The following CASK variants were observed in gnomAD, a reference collection of about 807,000 sequenced individuals.
CASK encodes the protein peripheral plasma membrane protein CASK.
In CASK, 4 loss-of-function variants were observed where a neutral mutation model predicts 82.9. The observed-to-expected ratio is 0.05, with a 90% confidence interval of 0.02 to 0.11. The LOEUF is 0.11. CASK is among the 10% of genes least tolerant of loss of function. The probability of loss-of-function intolerance (pLI) is 1.00; values close to 1 mark genes in which losing one functional copy is unlikely to be tolerated. For missense variants in CASK, 358 were observed against 720.9 expected (o/e 0.50, Z 5.76); for synonymous variants, 259 against 253.5 (o/e 1.02, Z -0.20).
At chrX:41,602,429 T>C (rs2065905955) in intron 12 of CASK, among the ~76,000 whole-genome samples, 1 of 111,835 alleles carries the variant, frequency 8.9e-6, no homozygotes, top group African/African-American at 3.2e-5. Context: ...AGATAATGTG[T>C]GTATATTAAT....
At chrX:41,832,797 T>C (rs893025640) in intron 2 of CASK, among the ~76,000 whole-genome samples, 2 of 112,390 alleles carry the variant, frequency 1.8e-5, no homozygotes, top group African/African-American at 6.5e-5. Context: ...AACAGCCCTA[T>C]AACTCATGCC....
intron 1 of CASK, among the ~76,000 whole-genome samples, chrX:41,888,691 G>GTA (rs200935896): frequency 2.9e-3 from 291 of 101,385 alleles, no homozygotes; most frequent in African/African-American, 9.8e-3. Flanking sequence ...GTGAATATAT[G>GTA]TATATATATA....
At chrX:41,562,169 T>C (rs2065238538) in intron 16 of CASK, 1 of 113,080 alleles carries the variant, frequency 8.8e-6, no homozygotes, top group Admixed American at 9.4e-5. Context: ...CTACCAGATA[T>C]GATACGAAGG....
intron 8 of CASK, among the ~76,000 whole-genome samples, chrX:41,659,557 G>A (rs183571180): frequency 1.8e-5 from 2 of 111,126 alleles, no homozygotes; most frequent in South Asian, 3.8e-4. Context: ...CTCTCCAAGC[G>A]TTAGTCTTTC....
chrX:41,882,247 T>C (rs2071966562), intron 1 of CASK, among the ~76,000 whole-genome samples: 1 of 111,748 alleles, frequency 8.9e-6, no homozygotes, highest in Admixed American at 9.5e-5. Context: ...AAAGGCCAGG[T>C]ACTATTTATT....
chrX:41,609,870 C>A, intron 12 of CASK, 34 bp downstream of exon 12: 3 of 1,203,706 alleles, frequency 2.5e-6, no homozygotes, highest in African/African-American at 1.7e-5. Flanking sequence ...ATTCAATTCA[C>A]CAAAAAAGAA....
rs2064558415 is a variant in CASK, at chrX:41,516,870, AAAG to A, written c.*3547_*3549del. On this transcript the variant is annotated 3_prime_UTR_variant, in exon 27 of 27. Transcript: ENST00000378163. ...GAAACTGGCCTGAAATGAAAAAAAA[AAAG>A]GACATGACATCAGTGGGGGACAAAA... 9.0e-6 allele frequency: 1 copy of A among 111,419 alleles called. No homozygotes were observed. Among genetic ancestry groups the A allele is most frequent in the African/African-American group, 3.3e-5 (1 of 30,644 alleles). The allele number at this position is 111,419 out of a possible 1,213,427, so 9.2% of individuals were successfully genotyped here. A position where few individuals can be genotyped will look rare whatever the true frequency, so the allele number is the denominator to read the frequency against.
At chrX:41,854,202 A>G (rs746703157) in intron 1 of CASK, among the ~76,000 whole-genome samples, 1 of 89,917 alleles carries the variant, frequency 1.1e-5, no homozygotes, top group African/African-American at 4.0e-5. Context: ...TCCAGGGAAC[A>G]TGCGCGCGCG....
rs912174384 is a variant in CASK at position 41,611,843 on chromosome X, C to T, written c.1034-1818G>A. On this transcript the variant is annotated intron_variant, in intron 11 of 26. Transcript: ENST00000378163. Reference sequence around the variant, plus strand: ...CCTGCCGAGTGCCTGCGATTGCAGGCGCGCGCCGCCACGCCTGACTGGTTT... The same window carrying T: ...CCTGCCGAGTGCCTGCGATTGCAGGTGCGCGCCGCCACGCCTGACTGGTTT... 2.1e-3 allele frequency among the ~76,000 whole-genome samples: 232 copies of T among 110,671 alleles called. 2 individuals carry two copies. The highest frequency in any genetic ancestry group is 7.0e-3 in the African/African-American group (214 of 30,496).
chrX:41,687,193 TAA>T (rs2067457224), intron 5 of CASK, among the ~76,000 whole-genome samples: 1 of 112,353 alleles, frequency 8.9e-6, no homozygotes. Context: ...TGCACGTAGT[TAA>T]ATGCCTATTT....
intron 22 of CASK, among the ~76,000 whole-genome samples, chrX:41,539,369 C>T (rs1045883123): frequency 2.7e-5 from 3 of 112,269 alleles, no homozygotes; most frequent in African/African-American, 9.7e-5. Context: ...AGGTTTGGAT[C>T]TTGCCATCAA....
intron 22 of CASK, among the ~76,000 whole-genome samples, chrX:41,540,054 C>T (rs2064927460): frequency 8.9e-6 from 1 of 112,055 alleles, no homozygotes; most frequent in Non-Finnish European, 1.9e-5. Flanking sequence ...CAAGGACCAT[C>T]TAAGAAGCTC....
chrX:41,559,504 C>T, intron 18 of CASK: 1 of 319,657 alleles, frequency 3.1e-6, no homozygotes, highest in Non-Finnish European at 5.5e-6. Context: ...CCGTTTTTTC[C>T]TTATTAAGCC....
At chrX:41,867,829 C>T (rs1150379) in intron 1 of CASK, among the ~76,000 whole-genome samples, 2 of 111,577 alleles carry the variant, frequency 1.8e-5, no homozygotes. Context: ...GCTCAGAATT[C>T]ATTCAAGCTT....
intron 8 of CASK, among the ~76,000 whole-genome samples, chrX:41,658,920 G>A (rs1463883888): frequency 8.9e-6 from 1 of 111,878 alleles, no homozygotes; most frequent in Non-Finnish European, 1.9e-5. Context: ...ACTGGACAAT[G>A]TGAGTAGTCT....
At chrX:41,746,532 T>C (rs1287305259) in intron 3 of CASK, among the ~76,000 whole-genome samples, 1 of 110,830 alleles carries the variant, frequency 9.0e-6, no homozygotes, top group East Asian at 2.8e-4. Context: ...CATACACCTA[T>C]ATATGTATAC....
At chrX:41,838,830 G>T (rs1005115205) in intron 2 of CASK, among the ~76,000 whole-genome samples, 3 of 111,298 alleles carry the variant, frequency 2.7e-5, no homozygotes, top group Non-Finnish European at 3.8e-5. Flanking sequence ...ATTTTTTATA[G>T]GGCATGAGGT....
chrX:41,543,149 A>G (rs1421941548), intron 21 of CASK, among the ~76,000 whole-genome samples: 1 of 112,361 alleles, frequency 8.9e-6, no homozygotes, highest in Non-Finnish European at 1.9e-5. Flanking sequence ...CTGAGCACTT[A>G]ATGTTAGACA....
rs1372800265 is a variant in CASK at position 41,517,114 on chromosome X, G to C, written c.*3306C>G. 1 of 113,366 alleles carries C rather than the reference G, an allele frequency of 8.8e-6. No homozygotes were observed. Among genetic ancestry groups the C allele is most frequent in the Non-Finnish European group, 1.9e-5 (1 of 53,731 alleles). 9.3% of individuals were successfully genotyped at this position (113,366 alleles called of 1,213,427 possible). On this transcript the variant is annotated 3_prime_UTR_variant, in exon 27 of 27. Coordinates refer to ENST00000378163, the MANE Select transcript of CASK (RefSeq NM_001367721.1). ...TAGCTGCAGCCCAGGCCTGCCTGGA[G>C]CACAGGGGAAGGCTTGGCCCACTGG...
Sources: allele counts gnomAD v4.1 joint callset (sites outside exome capture counted in the v4.1 genomes callset), GRCh38; gene constraint gnomAD v4.1.1; transcripts MANE v1.5; gene names NCBI Gene and HGNC (gene_info 2026-07-23, HGNC 2026-07-21).